Variants in NEMF observed in about 807,000 individuals in gnomAD.
NEMF encodes ribosome quality control complex subunit NEMF.
A neutral mutation model predicts 162.2 loss-of-function variants in NEMF; 89 were observed. The observed-to-expected ratio is 0.55, with a 90% CI of 0.46 to 0.65. The LOEUF (loss-of-function observed/expected upper bound fraction) is 0.65, where lower values mean the gene tolerates loss of function less well. Ranked by LOEUF, NEMF falls within the 30% of genes least tolerant of loss-of-function variation. NEMF has a pLI of 0.00. For missense variants in NEMF, 1,133 were observed against 1,261.9 expected (o/e 0.90, Z 1.55); for synonymous variants, 421 against 404.5 (o/e 1.04, Z -0.49).
intron 16 of NEMF, among the ~76,000 whole-genome samples, chr14:49,815,486 T>C (rs547892043): frequency 1.3e-5 from 2 of 152,328 alleles, no homozygotes; most frequent in South Asian, 4.1e-4. Flanking sequence ...TATATATGAC[T>C]ACAGAGATTA....
At position 49,786,729 on chromosome 14, in the gene NEMF, G is replaced by A; in HGVS notation, c.2917C>T (p.Gln973Ter). 6.2e-7 allele frequency: 1 copy of A among 1,613,136 alleles called. No homozygotes were observed. Among genetic ancestry groups the A allele is most frequent in the Non-Finnish European group, 8.5e-7 (1 of 1,179,270 alleles). The part of the protein sequence containing the change: ...DDKEEQDLDQ[Q>*]GNEENLFDSL... The stretch of plus-strand genomic sequence containing the variant: ...ACATAAAATCATACCTCATTTCCCT[G>A]TTGATCCAGATCTTGCTCTTCCTGT... The change falls in exon 29 of 33, where the codon CAG becomes TAG. Residue 973 changes from glutamine to a stop codon, truncating the protein, a stop_gained. Coordinates refer to ENST00000298310, the MANE Select transcript of NEMF (RefSeq NM_004713.6). LOFTEE classifies it high-confidence loss of function.
At chr14:49,806,556 G>A (rs991275692) in intron 18 of NEMF, among the ~76,000 whole-genome samples, 5 of 151,374 alleles carry the variant, frequency 3.3e-5, no homozygotes, top group Non-Finnish European at 5.9e-5. Context: ...CACCGAACCC[G>A]GCCGGTCAAT....
rs543370072 is a variant in NEMF at position 49,848,218 on chromosome 14, G to A, written c.232-1953C>T. Among the ~76,000 whole-genome samples the A allele has an allele frequency of 1.2e-3, 178 of 152,026 alleles. 1 individual carries two copies. Among genetic ancestry groups the A allele is most frequent in the Admixed American group, 3.0e-3 (46 of 15,234 alleles). On this transcript the variant is annotated intron_variant, in intron 3 of 32. Coordinates refer to ENST00000298310, the MANE Select transcript of NEMF (RefSeq NM_004713.6). Reference sequence around the variant, plus strand: ...ACCCAAAGAGAATTTTCCTGGTATCGTCTCTAAGCTTTTGATAACCTATTT... The same window carrying A: ...ACCCAAAGAGAATTTTCCTGGTATCATCTCTAAGCTTTTGATAACCTATTT...
At chr14:49,806,256 A>ATATATATATCT (rs1458069194) in intron 18 of NEMF, 123 bp from the exon 19 acceptor site, 1 of 38,552 alleles carries the variant, frequency 2.6e-5, no homozygotes, top group Non-Finnish European at 4.2e-5. Flanking sequence ...ATATATATAT[A>ATATATATATCT]TTTTTTTTTT....
chr14:49,783,090 G>C lies in NEMF; in HGVS notation c.*1546C>G. On this transcript the variant is annotated 3_prime_UTR_variant, in exon 33 of 33. Coordinates refer to ENST00000298310, the MANE Select transcript of NEMF (RefSeq NM_004713.6). ...TTTTAATGTGCATGTGAATGGCCTA[G>C]AGAACCTATTTTTGTGTCTAAAGTT... The C allele has an allele frequency of 1.3e-6, 1 of 758,400 alleles. No individual in the cohort carries two copies. Among genetic ancestry groups the C allele is most frequent in the Non-Finnish European group, 2.0e-6 (1 of 501,062 alleles). The allele number at this position is 758,400 out of a possible 1,614,324, so 47.0% of individuals were successfully genotyped here.
At chr14:49,852,321 G>A (rs915110357) in intron 1 of NEMF, among the ~76,000 whole-genome samples, 1 of 152,222 alleles carries the variant, frequency 6.6e-6, no homozygotes, top group African/African-American at 2.4e-5. Flanking sequence ...GGTGAGGGGA[G>A]GGAGGTGTTC....
At chr14:49,843,391 G>A (rs1227537889) in intron 4 of NEMF, among the ~76,000 whole-genome samples, 1 of 152,162 alleles carries the variant, frequency 6.6e-6, no homozygotes, top group African/African-American at 2.4e-5. Context: ...CTACATGAAA[G>A]GCTAAGGCAA....
At position 49,829,207 on chromosome 14, in the gene NEMF, C is replaced by G. The variant is rs1892517209; in HGVS notation, c.1079G>C (p.Arg360Thr). 1 of 1,614,190 alleles carries G rather than the reference C, an allele frequency of 6.2e-7. No homozygotes were observed. Among genetic ancestry groups the G allele is most frequent in the Non-Finnish European group, 8.5e-7 (1 of 1,180,026 alleles). Residue 360 changes from arginine (R) to threonine (T), a missense_variant, in exon 13 of 33, where the codon AGA (arginine) becomes ACA (threonine). Arg to Thr is a moderately conservative substitution (Grantham distance 71). Around this residue, in one of 3 missense-constraint regions of NEMF, gnomAD observed 582 missense variants for 631.5 expected, o/e 0.92. Transcript: ENST00000298310. ...LIEMNLQIVD[R>T]AIQVVRSALA... ...AGCACTTCGAACTACCTGAATGGCT[C>G]TGTCAACTATTTGTAGGTTCATTTC... is the stretch of plus-strand genomic sequence containing the variant.
At chr14:49,828,178 GT>G in intron 15 of NEMF, 112 bp downstream of exon 15, 2 of 811,102 alleles carry the variant, frequency 2.5e-6, no homozygotes, top group Non-Finnish European at 4.2e-6. Context: ...GCAAAGTTAA[GT>G]TTGAAAGATA....
At chr14:49,796,941 A>AT (rs985050016) in intron 25 of NEMF, among the ~76,000 whole-genome samples, 1 of 152,158 alleles carries the variant, frequency 6.6e-6, no homozygotes, top group African/African-American at 2.4e-5. Context: ...AACTGCTAAC[A>AT]TATCTTTCAA....
At chr14:49,851,484 A>T in intron 3 of NEMF, 79 bp downstream of exon 3, 1 of 925,354 alleles carries the variant, frequency 1.1e-6, no homozygotes, top group South Asian at 1.3e-5. Context: ...TATTCGTAAC[A>T]GTGAAGGAAA....
At position 49,798,367 on chromosome 14, in the gene NEMF, C is replaced by T. The variant is rs184293609; in HGVS notation, c.2465+1108G>A. Reference sequence around the variant, plus strand: ...ACAACTGCCATCACTCATTGATTTACCAAAAATTGGGTAAATAATTATCTT... The same window carrying T: ...ACAACTGCCATCACTCATTGATTTATCAAAAATTGGGTAAATAATTATCTT... On this transcript the variant is annotated intron_variant, in intron 25 of 32. Transcript: ENST00000298310. Among the ~76,000 whole-genome samples the T allele has an allele frequency of 1.2e-3, 183 of 152,268 alleles. 1 individual carries two copies. The highest frequency in any genetic ancestry group is 3.4e-3 in the Middle Eastern group (1 of 294).
At position 49,782,909 on chromosome 14, in the gene NEMF, A is replaced by G. The variant is rs1040141896; in HGVS notation, c.*1727T>C. 1 of 1,613,778 alleles carries G rather than the reference A, an allele frequency of 6.2e-7. No homozygotes were observed. Among genetic ancestry groups the G allele is most frequent in the Non-Finnish European group, 8.5e-7 (1 of 1,179,762 alleles). ...CTGCCTTCCAAAACACTTACTTCAC[A>G]GTGTTAATCAGAGGTTTGGTAGTAA... On this transcript the variant is annotated 3_prime_UTR_variant, in exon 33 of 33. Transcript: ENST00000298310.
intron 25 of NEMF, among the ~76,000 whole-genome samples, chr14:49,798,672 G>T (rs1023922011): frequency 1.3e-5 from 2 of 152,138 alleles, no homozygotes; most frequent in Non-Finnish European, 2.9e-5. Context: ...ACTTTCGGAG[G>T]CCAAAGCGGG....
At chr14:49,850,398 G>GT (rs1338934756) in intron 3 of NEMF, among the ~76,000 whole-genome samples, 5 of 152,100 alleles carry the variant, frequency 3.3e-5, no homozygotes, top group African/African-American at 9.7e-5. Context: ...TGTTTTAGGT[G>GT]TTTTATATAT....
intron 7 of NEMF, among the ~76,000 whole-genome samples, 167 bp from the exon 8 acceptor site, chr14:49,833,663 G>C (rs1291225795): frequency 6.6e-6 from 1 of 152,192 alleles, no homozygotes; most frequent in Non-Finnish European, 1.5e-5. Context: ...TGGATATATG[G>C]TTTCATTTTG....
chr14:49,851,554 C>G lies in NEMF; in HGVS notation c.231+9G>C, dbSNP rs780437272. On this transcript the variant is annotated intron_variant, in intron 3 of 32. Coordinates refer to ENST00000298310, the MANE Select transcript of NEMF (RefSeq NM_004713.6). ...TCTTAAAATTTAGCTTCAAGCGTAA[C>G]AAGTTTACCTTCATGGCAAAACTAG... is the stretch of plus-strand genomic sequence containing the variant. 7.2e-5 allele frequency: 115 copies of G among 1,594,620 alleles called. No individual in the cohort carries two copies. The highest frequency in any genetic ancestry group is 9.6e-5 in the Non-Finnish European group (112 of 1,163,640).
chr14:49,835,108 G>A (rs1336949240), intron 6 of NEMF, among the ~76,000 whole-genome samples: 2 of 151,816 alleles, frequency 1.3e-5, no homozygotes, highest in Non-Finnish European at 2.9e-5. Context: ...GCTGAGGCAG[G>A]AGAATCACTT....
At chr14:49,838,078 T>G (rs1892996173) in intron 6 of NEMF, 61 bp downstream of exon 6, 2 of 1,269,920 alleles carry the variant, frequency 1.6e-6, no homozygotes, top group Admixed American at 3.7e-5. Context: ...AAGATTTCAA[T>G]ATATTCCTGA....
Sources: gnomAD v4.1 joint callset for allele counts (sites outside exome capture counted in the v4.1 genomes callset) on GRCh38, gnomAD v4.1.1 for gene constraint, gnomAD v4.1.1 regional missense constraint, MANE v1.5 for transcripts, NCBI Gene and HGNC (gene_info 2026-07-23, HGNC 2026-07-21) for gene names.